The following VMP1 variants were observed in gnomAD, a reference collection of about 807,000 sequenced individuals.
VMP1 encodes vacuole membrane protein 1, also known as ectopic P-granules autophagy protein 3 homolog.
Under a neutral mutation model 56.0 loss-of-function variants are expected in VMP1, and 11 were observed. That is an observed-to-expected ratio of 0.20 (90% CI 0.12 to 0.32). The LOEUF (loss-of-function observed/expected upper bound fraction) is 0.32, where lower values mean the gene tolerates loss of function less well. VMP1 is among the 10% of genes least tolerant of loss of function. The probability of loss-of-function intolerance (pLI) is 1.00; values close to 1 mark genes in which losing one functional copy is unlikely to be tolerated. For synonymous variants in VMP1, 149 were observed against 165.0 expected (o/e 0.90, Z 0.74); for missense variants, 296 against 490.3 (o/e 0.60, Z 3.74).
chr17:59,752,344 A>G (rs1003265218), intron 5 of VMP1, among the ~76,000 whole-genome samples: 11 of 152,238 alleles, frequency 7.2e-5, no homozygotes, highest in Admixed American at 6.5e-5. Context: ...ATTGAATGAC[A>G]GTAGTACACC....
chr17:59,725,771 A>T (rs1256161393), intron 1 of VMP1, among the ~76,000 whole-genome samples: 2 of 152,236 alleles, frequency 1.3e-5, no homozygotes, highest in Non-Finnish European at 1.5e-5. Context: ...ACAAAATTTC[A>T]GACTATTATG....
chr17:59,805,126 G>T (rs1314208803), intron 7 of VMP1, among the ~76,000 whole-genome samples: 3 of 152,014 alleles, frequency 2.0e-5, no homozygotes, highest in Admixed American at 2.0e-4. Flanking sequence ...AATTAAAAAA[G>T]GTAAAAGGAG....
intron 1 of VMP1, among the ~76,000 whole-genome samples, chr17:59,725,338 G>A (rs1051401941): frequency 6.6e-6 from 1 of 152,188 alleles, no homozygotes; most frequent in East Asian, 1.9e-4. Flanking sequence ...AAGTTTTACA[G>A]TACGTATGAT....
intron 7 of VMP1, among the ~76,000 whole-genome samples, chr17:59,775,339 T>C (rs2036583561): frequency 6.6e-6 from 1 of 152,072 alleles, no homozygotes; most frequent in African/African-American, 2.4e-5. Flanking sequence ...CACTTGAGCC[T>C]GGGAGGCAAA....
At chr17:59,715,413 G>A (rs942942205) in intron 1 of VMP1, among the ~76,000 whole-genome samples, 6 of 152,160 alleles carry the variant, frequency 3.9e-5, no homozygotes, top group African/African-American at 1.4e-4. Context: ...AAAATAGTGT[G>A]AAGGAGGAAT....
chr17:59,762,212 C>A (rs1426963075), intron 5 of VMP1, among the ~76,000 whole-genome samples: 2 of 152,158 alleles, frequency 1.3e-5, no homozygotes, highest in Non-Finnish European at 2.9e-5. Context: ...AGACCAGGAT[C>A]CCTAACCCAT....
chr17:59,734,544 G>A (rs752790812), intron 2 of VMP1, among the ~76,000 whole-genome samples: 12 of 152,220 alleles, frequency 7.9e-5, no homozygotes, highest in Non-Finnish European at 1.8e-4. Flanking sequence ...ATGAGCCCAG[G>A]CAACGTAGTG....
intron 7 of VMP1, among the ~76,000 whole-genome samples, chr17:59,784,142 T>TGTGTGA (rs556387089): frequency 0.075 from 9,791 of 130,088 alleles, 449 homozygotes; most frequent in South Asian, 0.18. Flanking sequence ...TGTGTGTGTG[T>TGTGTGA]GAGAGAGAGA....
At chr17:59,744,457 C>A (rs1171480433) in intron 5 of VMP1, among the ~76,000 whole-genome samples, 1 of 112,314 alleles carries the variant, frequency 8.9e-6, no homozygotes. Flanking sequence ...AGCGAAATTC[C>A]ATCTCAAAAA....
intron 10 of VMP1, among the ~76,000 whole-genome samples, chr17:59,824,831 C>T (rs983207760): frequency 4.1e-5 from 6 of 147,646 alleles, no homozygotes; most frequent in Non-Finnish European, 8.9e-5. Context: ...CGAGATTGCG[C>T]CACTGCACTC....
chr17:59,784,142 T>TGTGAGA (rs556387089), intron 7 of VMP1, among the ~76,000 whole-genome samples: 1,449 of 130,372 alleles, frequency 0.011, 18 homozygotes, highest in Non-Finnish European at 0.012. Flanking sequence ...TGTGTGTGTG[T>TGTGAGA]GAGAGAGAGA....
chr17:59,838,154 C>A (rs2144354506), intron 10 of VMP1, 141 bp from the exon 11 acceptor site: 8 of 190,868 alleles, frequency 4.2e-5, no homozygotes, highest in East Asian at 1.0e-4. Flanking sequence ...TTCAGCAGTT[C>A]TCTGATTTTT....
intron 5 of VMP1, among the ~76,000 whole-genome samples, chr17:59,750,131 A>T (rs1568074805): frequency 6.6e-6 from 1 of 152,102 alleles, no homozygotes; most frequent in African/African-American, 2.4e-5. Flanking sequence ...AAAATGACCT[A>T]ATCTATATAT....
At chr17:59,721,751 A>AAACAAAACAT (rs2034407193) in intron 1 of VMP1, among the ~76,000 whole-genome samples, 1 of 151,202 alleles carries the variant, frequency 6.6e-6, no homozygotes, top group Admixed American at 6.6e-5. Context: ...AAACAAAACA[A>AAACAAAACAT]TTCTGCAATC....
At chr17:59,826,837 G>GAGCACTCT (rs1282523043) in intron 10 of VMP1, among the ~76,000 whole-genome samples, 1 of 152,156 alleles carries the variant, frequency 6.6e-6, no homozygotes, top group Non-Finnish European at 1.5e-5. Context: ...ACTCCTGAGG[G>GAGCACTCT]AGCACTCTGG....
intron 1 of VMP1, among the ~76,000 whole-genome samples, chr17:59,720,862 A>G (rs752521663): frequency 6.6e-6 from 1 of 152,086 alleles, no homozygotes; most frequent in Non-Finnish European, 1.5e-5. Flanking sequence ...AATCCCAGCT[A>G]CTTGGGAGGC....
Position 59,731,466 on chromosome 17 carries a change from A to G in VMP1, c.20A>G (p.Asn7Ser), listed in dbSNP as rs2034821328. The G allele has an allele frequency of 5.0e-6, 8 of 1,592,620 alleles. No individual in the cohort carries two copies. The highest frequency in any genetic ancestry group is 1.2e-5 in the South Asian group (1 of 86,858). ...TATGAAATGGCAGAGAATGGAAAAA[A>G]TTGTGACCAGAGACGTGTAGCAATG... Reference protein sequence around the residue: MAENGKNCDQRRVAMNK... With the variant: MAENGKSCDQRRVAMNK... Residue 7 changes from asparagine to serine, a missense_variant, in exon 2 of 12, where the codon AAT becomes AGT. By Grantham distance (46) the Asn-to-Ser change is conservative. Around this residue, in one of 4 missense-constraint regions of VMP1, gnomAD observed 69 missense variants for 76.6 expected, o/e 0.90. Transcript: ENST00000262291.
chr17:59,788,658 T>A (rs975523558), intron 7 of VMP1, among the ~76,000 whole-genome samples: 1 of 151,754 alleles, frequency 6.6e-6, no homozygotes, highest in Non-Finnish European at 1.5e-5. Context: ...TACAAAAAAA[T>A]TAGCTGGGTG....
At chr17:59,822,707 A>G (rs1316524612) in intron 10 of VMP1, among the ~76,000 whole-genome samples, 1 of 152,220 alleles carries the variant, frequency 6.6e-6, no homozygotes, top group African/African-American at 2.4e-5. Context: ...AGTTCAATAA[A>G]GAGAACAAAT....
Sources: gnomAD v4.1 joint callset for allele counts (sites outside exome capture counted in the v4.1 genomes callset) on GRCh38, gnomAD v4.1.1 for gene constraint, gnomAD v4.1.1 regional missense constraint, MANE v1.5 for transcripts, NCBI Gene and HGNC (gene_info 2026-07-23, HGNC 2026-07-21) for gene names.